The following CSMD1 variants were observed in gnomAD, a reference collection of about 807,000 sequenced individuals.
CSMD1 encodes CUB and sushi domain-containing protein 1.
A neutral mutation model predicts 417.5 loss-of-function variants in CSMD1; 213 were observed. That is an observed-to-expected ratio of 0.51 (90% confidence interval 0.46 to 0.57). The LOEUF is 0.57. Ranked by LOEUF, CSMD1 falls within the 20% of genes least tolerant of loss-of-function variation. The pLI, the probability that CSMD1 is intolerant of heterozygous loss-of-function variation, is 0.00. For synonymous variants in CSMD1, 2,862 were observed against 1,736.8 expected, an observed-to-expected ratio of 1.65 and a Z score of -16.11; for missense variants, 6,923 against 4,529.7, an observed-to-expected ratio of 1.53 and a Z score of -15.17.
At chr8:3,773,794 G>A (rs565914626) in intron 5 of CSMD1, among the ~76,000 whole-genome samples, 4 of 152,102 alleles carry the variant, frequency 2.6e-5, no homozygotes, top group African/African-American at 7.2e-5. Flanking sequence ...CATTCAAGTG[G>A]CAGGCCCATC....
At chr8:4,973,012 T>C (rs1169801140) in intron 1 of CSMD1, among the ~76,000 whole-genome samples, 3 of 152,206 alleles carry the variant, frequency 2.0e-5, no homozygotes, top group African/African-American at 7.2e-5. Flanking sequence ...CATCGTTTTA[T>C]ATTTTATATA....
intron 1 of CSMD1, among the ~76,000 whole-genome samples, chr8:4,918,710 G>A (rs186738744): frequency 4.6e-5 from 7 of 151,984 alleles, no homozygotes; most frequent in African/African-American, 9.6e-5. Context: ...TACATTTTTC[G>A]TAATTTCACC....
intron 1 of CSMD1, among the ~76,000 whole-genome samples, chr8:4,760,495 T>G (rs1811968865): frequency 6.6e-6 from 1 of 152,182 alleles, no homozygotes; most frequent in South Asian, 2.1e-4. Flanking sequence ...TAAAACCCAT[T>G]AATTTCCCAA....
intron 3 of CSMD1, among the ~76,000 whole-genome samples, chr8:4,052,483 G>C (rs540175790): frequency 2.0e-5 from 3 of 152,220 alleles, no homozygotes; most frequent in African/African-American, 7.2e-5. Flanking sequence ...TCTTTACCCA[G>C]GGTCAGAGTG....
At chr8:4,139,979 C>T (rs573448917) in intron 3 of CSMD1, among the ~76,000 whole-genome samples, 42 of 149,492 alleles carry the variant, frequency 2.8e-4, no homozygotes, top group Non-Finnish European at 3.4e-4. Context: ...TTTATGTGGG[C>T]AGGGGTTGCA....
At chr8:3,980,144 G>A (rs911520383) in intron 5 of CSMD1, among the ~76,000 whole-genome samples, 8 of 152,228 alleles carry the variant, frequency 5.3e-5, no homozygotes, top group South Asian at 2.1e-4. Flanking sequence ...AGTGCTGTAC[G>A]GTTTATAGAG....
intron 65 of CSMD1, among the ~76,000 whole-genome samples, chr8:2,952,117 G>C (rs1802678951): frequency 6.6e-6 from 1 of 152,134 alleles, no homozygotes; most frequent in South Asian, 2.1e-4. Flanking sequence ...ACATAAACGT[G>C]AATTGTAGTG....
intron 1 of CSMD1, among the ~76,000 whole-genome samples, chr8:4,920,464 T>A (rs1806360846): frequency 6.6e-6 from 1 of 152,174 alleles, no homozygotes; most frequent in Admixed American, 6.5e-5. Context: ...AAAGTATATG[T>A]CTGCAGCAAG....
chr8:3,960,001 G>C (rs1429236106), intron 5 of CSMD1, among the ~76,000 whole-genome samples: 1 of 152,152 alleles, frequency 6.6e-6, no homozygotes, highest in Non-Finnish European at 1.5e-5. Flanking sequence ...CACAGTATGT[G>C]CGTGAAGCTA....
intron 10 of CSMD1, among the ~76,000 whole-genome samples, chr8:3,524,713 C>G (rs1797683396): frequency 6.6e-6 from 1 of 151,068 alleles, no homozygotes; most frequent in Non-Finnish European, 1.5e-5. Flanking sequence ...CACACAAGCA[C>G]ATACATGCAC....
intron 1 of CSMD1, among the ~76,000 whole-genome samples, chr8:4,915,363 T>C (rs1805982371): frequency 6.6e-6 from 1 of 152,196 alleles, no homozygotes; most frequent in Non-Finnish European, 1.5e-5. Context: ...AGATTACATA[T>C]AGTCTGACAA....
At chr8:3,689,488 T>C (rs1800121288) in intron 7 of CSMD1, among the ~76,000 whole-genome samples, 1 of 152,218 alleles carries the variant, frequency 6.6e-6, no homozygotes, top group African/African-American at 2.4e-5. Flanking sequence ...AGAATAGTGT[T>C]TTTATTCTCA....
At chr8:3,179,709 T>G (rs1009430716) in intron 37 of CSMD1, among the ~76,000 whole-genome samples, 1 of 152,198 alleles carries the variant, frequency 6.6e-6, no homozygotes, top group African/African-American at 2.4e-5. Flanking sequence ...AAACTATTAG[T>G]GAATTTTTAA....
chr8:3,813,364 G>A (rs896712680), intron 5 of CSMD1, among the ~76,000 whole-genome samples: 1 of 152,120 alleles, frequency 6.6e-6, no homozygotes, highest in East Asian at 1.9e-4. Flanking sequence ...GCAATGATGT[G>A]AAGTAAATAA....
At chr8:4,614,349 ACC>A (rs1444886392) in intron 2 of CSMD1, among the ~76,000 whole-genome samples, 1 of 152,052 alleles carries the variant, frequency 6.6e-6, no homozygotes, top group Non-Finnish European at 1.5e-5. Context: ...TCCCACCATT[ACC>A]TCCATGGCTT....
At chr8:3,268,289 ATT>A (rs1163842745) in intron 26 of CSMD1, among the ~76,000 whole-genome samples, 103 of 84,290 alleles carry the variant, frequency 1.2e-3, no homozygotes, top group African/African-American at 1.9e-3. Context: ...TTCATTTCCT[ATT>A]TTTTTTTTTT....
rs139041641 is a variant in CSMD1 at position 4,761,220 on chromosome 8, G to A, written c.86-123662C>T. On this transcript the variant is annotated intron_variant, in intron 1 of 69. Coordinates refer to ENST00000635120, the MANE Select transcript of CSMD1 (RefSeq NM_033225.6). ...TTGGTGTCTACCAGAGTAGCCAGGAGGTCACAGGAGACTATGGAACATTCA... is the reference window on the plus strand; with the variant it reads ...TTGGTGTCTACCAGAGTAGCCAGGAAGTCACAGGAGACTATGGAACATTCA... Among the ~76,000 whole-genome samples the A allele has an allele frequency of 1.6e-3, 247 of 152,166 alleles. 1 individual carries two copies. Among genetic ancestry groups the A allele is most frequent in the East Asian group, 7.0e-3 (36 of 5,158 alleles).
chr8:3,766,503 T>G (rs768672083), intron 5 of CSMD1, among the ~76,000 whole-genome samples: 32 of 152,058 alleles, frequency 2.1e-4, no homozygotes, highest in African/African-American at 7.2e-4. Flanking sequence ...GAGACACCCT[T>G]TGCCTCCTAT....
intron 3 of CSMD1, among the ~76,000 whole-genome samples, chr8:4,349,184 C>G (rs553547014): frequency 3.9e-5 from 6 of 152,244 alleles, no homozygotes; most frequent in African/African-American, 1.4e-4. Context: ...CATCAGAGAA[C>G]TAAGTGAAGA....
Sources: allele counts gnomAD v4.1 joint callset (sites outside exome capture counted in the v4.1 genomes callset), GRCh38; gene constraint gnomAD v4.1.1; transcripts MANE v1.5; gene names NCBI Gene and HGNC (gene_info 2026-07-23, HGNC 2026-07-21).